KCNK12: variants seen among roughly 807,000 people sequenced by gnomAD.
KCNK12 encodes the protein potassium channel subfamily K member 12.
A neutral mutation model predicts 25.3 loss-of-function variants in KCNK12; 6 were observed. The ratio of observed to expected loss-of-function variants is 0.24; its 90% confidence interval spans 0.13 to 0.47. The LOEUF (loss-of-function observed/expected upper bound fraction) is 0.47. Among genes scored for constraint, KCNK12 ranks in the 20% least tolerant of loss-of-function variants. KCNK12 has a pLI of 0.99. For synonymous variants in KCNK12, 331 were observed against 311.1 expected, an observed-to-expected ratio of 1.06 and a Z score of -0.67; for missense variants, 444 against 661.7, an observed-to-expected ratio of 0.67 and a Z score of 3.61.
intron 1 of KCNK12, among the ~76,000 whole-genome samples, chr2:47,544,841 G>C (rs1669278060): frequency 6.6e-6 from 1 of 152,166 alleles, no homozygotes; most frequent in African/African-American, 2.4e-5. Flanking sequence ...GGGATGCTTA[G>C]AAAGTTGATT....
rs544291328 is a variant in KCNK12 at position 47,560,680 on chromosome 2, T to G, written c.391+9261A>C. 1.3e-5 allele frequency among the ~76,000 whole-genome samples: 2 copies of G among 152,334 alleles called. No homozygotes were observed. The highest frequency in any genetic ancestry group is 2.1e-4 in the South Asian group (1 of 4,826). On this transcript the variant is annotated intron_variant, in intron 1 of 1. Transcript: ENST00000327876. The surrounding 1 kb of genome is among the most constrained non-coding windows in gnomAD (Gnocchi z 4.7). ...TGGGATATAATTTTCTTTGCTGTCC[T>G]AGGATTTTTGGGAGCTTACTGAGTA...
intron 1 of KCNK12, among the ~76,000 whole-genome samples, chr2:47,558,210 C>G (rs1669589777): frequency 6.6e-6 from 1 of 152,254 alleles, no homozygotes; most frequent in Non-Finnish European, 1.5e-5. Flanking sequence ...GCGTTCTCAT[C>G]TTCCAGGAAC....
In KCNK12 at chr2:47,563,010, TG is replaced by T. The variant is rs977215301; in HGVS notation, c.391+6930del. Reference sequence around the variant, plus strand: ...GAAAACTTGGGGAGGACTCCAGAGCTGGGGGTGACACAGGAATAGACCAACG... The same window carrying T: ...GAAAACTTGGGGAGGACTCCAGAGCTGGGGTGACACAGGAATAGACCAACG... On this transcript the variant is annotated intron_variant, in intron 1 of 1. Coordinates refer to ENST00000327876, the MANE Select transcript of KCNK12 (RefSeq NM_022055.2). The T allele has an allele frequency of 5.7e-4, 134 of 233,418 alleles. 1 individual carries two copies. The highest frequency in any genetic ancestry group is 2.7e-3 in the African/African-American group (121 of 45,452). 14.5% of individuals were successfully genotyped at this position (233,418 alleles called of 1,614,324 possible).
Position 47,566,807 on chromosome 2 carries a change from T to C in KCNK12, c.391+3134A>G, listed in dbSNP as rs557967536. The C allele has an allele frequency of 4.6e-4, 70 of 152,340 alleles. No individual in the cohort carries two copies. Among genetic ancestry groups the C allele is most frequent in the African/African-American group, 1.7e-3 (70 of 41,562 alleles). 9.4% of individuals were successfully genotyped at this position (152,340 alleles called of 1,614,324 possible). On this transcript the variant is annotated intron_variant, in intron 1 of 1. Transcript: ENST00000327876. This position sits in a 1 kb window ranked among gnomAD's most constrained non-coding sequence, Gnocchi z 4.1. Reference sequence around the variant, plus strand: ...TTATATGCATGAAATTGGTGGATATTGCACAACTTGGTTTCTGGACCTAGC... The same window carrying C: ...TTATATGCATGAAATTGGTGGATATCGCACAACTTGGTTTCTGGACCTAGC...
rs1163416438 is a variant in KCNK12 at position 47,513,313 on chromosome 2, GGGT to G, written c.*7591_*7593del. The G allele has an allele frequency of 6.6e-6, 1 of 152,148 alleles. No homozygotes were observed. The highest frequency in any genetic ancestry group is 6.5e-5 in the Admixed American group (1 of 15,278). 9.4% of individuals were successfully genotyped at this position (152,148 alleles called of 1,614,324 possible). Reference sequence around the variant, plus strand: ...GATATTTCCCTTTGCTAAATCTTGTGGGTGTTTTCTTCAGTCCTTGTCTTAATC... The same window carrying G: ...GATATTTCCCTTTGCTAAATCTTGTGGTTTTCTTCAGTCCTTGTCTTAATC... On this transcript the variant is annotated 3_prime_UTR_variant, in exon 2 of 2. Coordinates refer to ENST00000327876, the MANE Select transcript of KCNK12 (RefSeq NM_022055.2).
chr2:47,557,002 A>C lies in KCNK12; in HGVS notation c.391+12939T>G, dbSNP rs1394321307. On this transcript the variant is annotated intron_variant, in intron 1 of 1. Coordinates refer to ENST00000327876, the MANE Select transcript of KCNK12 (RefSeq NM_022055.2). This position sits in a 1 kb window ranked among gnomAD's most constrained non-coding sequence, Gnocchi z 4.9. ...TATAGATGAGATGGTTAAGGAGCCC[A>C]GTTCTTGGATGCATCATCTGTGGGA... 6.6e-6 allele frequency among the ~76,000 whole-genome samples: 1 copy of C among 152,232 alleles called. No individual in the cohort carries two copies. The highest frequency in any genetic ancestry group is 1.5e-5 in the Non-Finnish European group (1 of 68,040).
In KCNK12 at chr2:47,547,324, C is replaced by T. The variant is rs367793943; in HGVS notation, c.391+22617G>A. The stretch of plus-strand genomic sequence containing the variant: ...TTTACAAAATGCTAATTCATAAGCC[C>T]CCACTTCCAGAGAGAATGATACAGT... On this transcript the variant is annotated intron_variant, in intron 1 of 1. Coordinates refer to ENST00000327876, the MANE Select transcript of KCNK12 (RefSeq NM_022055.2). This position sits in a 1 kb window ranked among gnomAD's most constrained non-coding sequence, Gnocchi z 5.0. Among the ~76,000 whole-genome samples, 2 of 152,166 alleles carry T rather than the reference C, an allele frequency of 1.3e-5. No individual in the cohort carries two copies. Among genetic ancestry groups the T allele is most frequent in the Non-Finnish European group, 1.5e-5 (1 of 68,040 alleles).
Position 47,519,553 on chromosome 2 carries a change from A to G in KCNK12, c.*1354T>C, listed in dbSNP as rs915495942. The G allele has an allele frequency of 4.6e-5, 7 of 152,214 alleles. No individual in the cohort carries two copies. The highest frequency in any genetic ancestry group is 1.7e-4 in the African/African-American group (7 of 41,436). 9.4% of individuals were successfully genotyped at this position (152,214 alleles called of 1,614,324 possible). On this transcript the variant is annotated 3_prime_UTR_variant, in exon 2 of 2. Coordinates refer to ENST00000327876, the MANE Select transcript of KCNK12 (RefSeq NM_022055.2). ...ACTATCCTTTCAATGAAGCCTGGGT[A>G]TCTGGCCTTCCTCCAGGTCAGGGAC...
intron 1 of KCNK12, among the ~76,000 whole-genome samples, chr2:47,522,516 A>T (rs866211611): frequency 5.3e-5 from 8 of 152,148 alleles, no homozygotes; most frequent in Non-Finnish European, 1.0e-4. Context: ...GTTCTTTGTC[A>T]CCCAGGCTGG....
At chr2:47,561,280 C>T (rs1019419012) in intron 1 of KCNK12, among the ~76,000 whole-genome samples, 5 of 152,206 alleles carry the variant, frequency 3.3e-5, no homozygotes, top group Admixed American at 6.5e-5. Flanking sequence ...TCTAACTCAC[C>T]ACTCAATCAT....
chr2:47,554,049 C>T (rs545933745), intron 1 of KCNK12, among the ~76,000 whole-genome samples: 18 of 152,326 alleles, frequency 1.2e-4, no homozygotes, highest in African/African-American at 3.8e-4. Context: ...TACCTGCATT[C>T]ATTGTCTCAT....
rs999539442 is a variant in KCNK12 at position 47,518,719 on chromosome 2, C to T, written c.*2188G>A. 9.2e-5 allele frequency: 14 copies of T among 152,468 alleles called. No homozygotes were observed. The highest frequency in any genetic ancestry group is 3.4e-4 in the African/African-American group (14 of 41,464). The allele number at this position is 152,468 out of a possible 1,614,324, so 9.4% of individuals were successfully genotyped here. A position where few individuals can be genotyped will look rare whatever the true frequency, so the allele number is the denominator to read the frequency against. ...GCTGTACTGTTGCTGGGGCTCACTT[C>T]CTGTGGGTAGGCTGTTATTTTGCCC... On this transcript the variant is annotated 3_prime_UTR_variant, in exon 2 of 2. Coordinates refer to ENST00000327876, the MANE Select transcript of KCNK12 (RefSeq NM_022055.2). The surrounding 1 kb of genome is among the most constrained non-coding windows in gnomAD (Gnocchi z 4.1).
In KCNK12 at chr2:47,521,075, C is replaced by G. The variant is rs939686479; in HGVS notation, c.1125G>C (p.Thr375=). 7.4e-7 allele frequency: 1 copy of G among 1,350,670 alleles called. No individual in the cohort carries two copies. Among genetic ancestry groups the G allele is most frequent in the Non-Finnish European group, 9.5e-7 (1 of 1,049,942 alleles). 83.7% of individuals were successfully genotyped at this position (1,350,670 alleles called of 1,614,324 possible). A position where few individuals can be genotyped will look rare whatever the true frequency, so the allele number is the denominator to read the frequency against. ...SGELISMRDL[T]ASNKVSLALL... ...GCGCCAGCGACACCTTGTTGGAGGC[C>G]GTGAGGTCGCGCATGGAGATGAGCT... Residue 375 remains threonine (T), a synonymous_variant, in exon 2 of 2, where the codon ACG becomes ACC. Coordinates refer to ENST00000327876, the MANE Select transcript of KCNK12 (RefSeq NM_022055.2).
At chr2:47,554,590 G>A (rs1465870594) in intron 1 of KCNK12, among the ~76,000 whole-genome samples, 1 of 152,214 alleles carries the variant, frequency 6.6e-6, no homozygotes, top group African/African-American at 2.4e-5. Flanking sequence ...CAGTGCCAGT[G>A]AGGCTAAGAG....
chr2:47,525,027 A>C lies in KCNK12; in HGVS notation c.392-3219T>G, dbSNP rs1668738442. On this transcript the variant is annotated intron_variant, in intron 1 of 1. Transcript: ENST00000327876. This position sits in a 1 kb window ranked among gnomAD's most constrained non-coding sequence, Gnocchi z 4.1. ...TTGAAAATCCTGGGCCTGGAAAACCAATACTTTGTCTAACTAAGAAAATAC... is the reference window on the plus strand; with the variant it reads ...TTGAAAATCCTGGGCCTGGAAAACCCATACTTTGTCTAACTAAGAAAATAC... Among the ~76,000 whole-genome samples, 1 of 151,124 alleles carries C rather than the reference A, an allele frequency of 6.6e-6. No individual in the cohort carries two copies. Among genetic ancestry groups the C allele is most frequent in the South Asian group, 2.1e-4 (1 of 4,828 alleles).
intron 1 of KCNK12, among the ~76,000 whole-genome samples, chr2:47,552,398 T>C (rs1220826225): frequency 1.3e-5 from 2 of 152,106 alleles, no homozygotes; most frequent in Non-Finnish European, 2.9e-5. Context: ...CCCACTTCCT[T>C]TGTGGCTGCA....
intron 1 of KCNK12, among the ~76,000 whole-genome samples, chr2:47,537,882 G>C (rs1669110289): frequency 6.6e-6 from 1 of 152,220 alleles, no homozygotes; most frequent in African/African-American, 2.4e-5. Flanking sequence ...GGGTGCCCCA[G>C]AGCAGGTGCC....
In KCNK12 at chr2:47,509,825, T is replaced by G. The variant is rs566855298; in HGVS notation, c.*11082A>C. On this transcript the variant is annotated 3_prime_UTR_variant, in exon 2 of 2. Coordinates refer to ENST00000327876, the MANE Select transcript of KCNK12 (RefSeq NM_022055.2). ...TCCAATTTGTGTAAGGCCAGGGGACTTCCCCCCCACTCCCCAACCTGAGGC... is the reference window on the plus strand; with the variant it reads ...TCCAATTTGTGTAAGGCCAGGGGACGTCCCCCCCACTCCCCAACCTGAGGC... 2.6e-5 allele frequency among the ~76,000 whole-genome samples: 4 copies of G among 152,192 alleles called. No homozygotes were observed. The highest frequency in any genetic ancestry group is 9.7e-5 in the African/African-American group (4 of 41,444).
Position 47,520,781 on chromosome 2 carries a change from A to C in KCNK12, c.*126T>G. 3 of 714,460 alleles carry C rather than the reference A, an allele frequency of 4.2e-6. No individual in the cohort carries two copies. Among genetic ancestry groups the C allele is most frequent in the Non-Finnish European group, 5.8e-6 (3 of 515,794 alleles). 44.3% of individuals were successfully genotyped at this position (714,460 alleles called of 1,614,324 possible). A position where few individuals can be genotyped will look rare whatever the true frequency, so the allele number is the denominator to read the frequency against. On this transcript the variant is annotated 3_prime_UTR_variant, in exon 2 of 2. Coordinates refer to ENST00000327876, the MANE Select transcript of KCNK12 (RefSeq NM_022055.2). The surrounding 1 kb of genome is among the most constrained non-coding windows in gnomAD (Gnocchi z 5.0). ...CCTGGCCAAATAGTATTTCTTTAAA[A>C]AAATTTTTTTTGTTTCATTTTATTG...
Sources: allele counts gnomAD v4.1 joint callset (sites outside exome capture counted in the v4.1 genomes callset), GRCh38; gene constraint gnomAD v4.1.1; non-coding constraint Gnocchi (gnomAD v3.1); transcripts MANE v1.5; gene names NCBI Gene and HGNC (gene_info 2026-07-23, HGNC 2026-07-21).